The following NRXN1 variants were observed in gnomAD, a reference collection of about 807,000 sequenced individuals.
The protein encoded by NRXN1 is neurexin 1.
In NRXN1, 39 loss-of-function variants were observed where a neutral mutation model predicts 150.9. The ratio of observed to expected loss-of-function variants is 0.26; its 90% CI spans 0.20 to 0.34. The LOEUF is 0.34. Among genes scored for constraint, NRXN1 ranks in the 10% least tolerant of loss-of-function variants. The probability of loss-of-function intolerance (pLI) is 1.00; values close to 1 mark genes in which losing one functional copy is unlikely to be tolerated. For synonymous variants in NRXN1, 924 were observed against 757.0 expected, an observed-to-expected ratio of 1.22 and a Z score of -3.62; for missense variants, 1,815 against 1,949.9, an observed-to-expected ratio of 0.93 and a Z score of 1.30.
At chr2:50,237,080 T>C (rs754570816) in intron 17 of NRXN1, 110 bp from the exon 18 acceptor site, 23 of 1,065,054 alleles carry the variant, frequency 2.2e-5, no homozygotes, top group Non-Finnish European at 2.9e-5. Context: ...CACAAAACTA[T>C]GGCAAAGTAA....
At chr2:49,933,167 A>T (rs1038562618) in intron 22 of NRXN1, among the ~76,000 whole-genome samples, 1 of 152,002 alleles carries the variant, frequency 6.6e-6, no homozygotes, top group Non-Finnish European at 1.5e-5. Context: ...GCTCACTGCA[A>T]GCTCTGCCTC....
intron 2 of NRXN1, among the ~76,000 whole-genome samples, chr2:51,014,489 TAA>T (rs899392182): frequency 1.3e-5 from 2 of 152,038 alleles, no homozygotes; most frequent in African/African-American, 4.8e-5. Context: ...GAAAAGTTAT[TAA>T]ACAGTTAAAT....
chr2:49,965,340 C>G (rs1364269845), intron 21 of NRXN1, among the ~76,000 whole-genome samples: 1 of 152,112 alleles, frequency 6.6e-6, no homozygotes, highest in Non-Finnish European at 1.5e-5. Context: ...CATCTCGGCT[C>G]ACTGCAACCT....
intron 18 of NRXN1, among the ~76,000 whole-genome samples, chr2:50,166,974 C>T (rs1188328857): frequency 6.6e-6 from 1 of 152,006 alleles, no homozygotes; most frequent in Non-Finnish European, 1.5e-5. Flanking sequence ...TATAATTTGG[C>T]CAAAAACTTC....
intron 5 of NRXN1, among the ~76,000 whole-genome samples, chr2:50,631,655 T>C (rs1460878382): frequency 6.6e-6 from 1 of 152,000 alleles, no homozygotes; most frequent in Non-Finnish European, 1.5e-5. Context: ...TCTAGTACGA[T>C]AATTTTCCAA....
chr2:50,540,975 C>A (rs967873604), intron 9 of NRXN1, among the ~76,000 whole-genome samples: 17 of 151,978 alleles, frequency 1.1e-4, no homozygotes, highest in African/African-American at 3.9e-4. Flanking sequence ...GTGACATGTT[C>A]TTAAATAAAA....
At chr2:50,030,596 C>T (rs1004704027) in intron 21 of NRXN1, among the ~76,000 whole-genome samples, 1 of 152,136 alleles carries the variant, frequency 6.6e-6, no homozygotes, top group East Asian at 1.9e-4. Context: ...TTTCTCTCCC[C>T]TATTGCAATA....
At chr2:50,619,382 C>G (rs564322355) in intron 8 of NRXN1, 1 of 152,130 alleles carries the variant, frequency 6.6e-6, no homozygotes, top group East Asian at 1.9e-4. Flanking sequence ...CAAAACCCAA[C>G]AAATTCCAAT....
rs572706801 is a variant in NRXN1, at chr2:50,591,647, T to G, written c.1320+28375A>C. ...GTTCTCTTCTCTGCTATTGTGATTC[T>G]GTCCGGTTTCAGTGGCTCTTCCCAA... On this transcript the variant is annotated intron_variant, in intron 8 of 22. Coordinates refer to ENST00000401669, the MANE Select transcript of NRXN1 (RefSeq NM_001330078.2). 6.6e-5 allele frequency among the ~76,000 whole-genome samples: 10 copies of G among 152,316 alleles called. 1 individual carries two copies. Among genetic ancestry groups the G allele is most frequent in the South Asian group, 6.2e-4 (3 of 4,818 alleles).
chr2:50,354,464 C>T (rs761763170), intron 17 of NRXN1, among the ~76,000 whole-genome samples: 5 of 149,044 alleles, frequency 3.4e-5, no homozygotes, highest in Admixed American at 6.8e-5. Flanking sequence ...TTAAATGAGT[C>T]GACAAATTTA....
intron 5 of NRXN1, among the ~76,000 whole-genome samples, chr2:50,733,842 T>A (rs575564695): frequency 6.6e-6 from 1 of 152,202 alleles, no homozygotes; most frequent in Non-Finnish European, 1.5e-5. Context: ...GATTATAGTT[T>A]TAATCTGTAC....
intron 5 of NRXN1, among the ~76,000 whole-genome samples, chr2:50,636,539 T>C (rs1009766326): frequency 2.0e-5 from 3 of 152,294 alleles, no homozygotes; most frequent in South Asian, 2.1e-4. Flanking sequence ...CCAAACTCAA[T>C]TGCTCTCCTG....
At chr2:50,137,751 A>G (rs1574111522) in intron 18 of NRXN1, among the ~76,000 whole-genome samples, 1 of 152,332 alleles carries the variant, frequency 6.6e-6, no homozygotes, top group South Asian at 2.1e-4. Context: ...GATTGGAAGT[A>G]AAAGATATGG....
At chr2:51,013,547 G>A (rs903743518) in intron 2 of NRXN1, among the ~76,000 whole-genome samples, 3 of 151,390 alleles carry the variant, frequency 2.0e-5, no homozygotes, top group East Asian at 3.9e-4. Context: ...AGATTTGCAC[G>A]TTAAAAGGCT....
chr2:50,493,783 T>C (rs2091400747), intron 15 of NRXN1, among the ~76,000 whole-genome samples: 1 of 152,240 alleles, frequency 6.6e-6, no homozygotes, highest in East Asian at 1.9e-4. Context: ...GAAGGTATTA[T>C]TCTATACTAA....
chr2:50,460,289 T>C (rs1402490151), intron 17 of NRXN1, among the ~76,000 whole-genome samples: 1 of 152,018 alleles, frequency 6.6e-6, no homozygotes, highest in Non-Finnish European at 1.5e-5. Context: ...AGCAGGAAAA[T>C]CCATAGGTGA....
chr2:50,990,452 G>A (rs979935211), intron 2 of NRXN1, among the ~76,000 whole-genome samples: 8 of 151,986 alleles, frequency 5.3e-5, no homozygotes, highest in African/African-American at 1.9e-4. Context: ...AGAAGACTAT[G>A]CATAGTTAAC....
intron 17 of NRXN1, among the ~76,000 whole-genome samples, chr2:50,386,800 T>A (rs753464415): frequency 2.0e-5 from 3 of 152,176 alleles, no homozygotes; most frequent in Admixed American, 6.6e-5. Context: ...ACTGAATTGG[T>A]GGCCTTGAGC....
intron 8 of NRXN1, among the ~76,000 whole-genome samples, chr2:50,615,158 T>C (rs1197034091): frequency 6.6e-6 from 1 of 152,216 alleles, no homozygotes; most frequent in Non-Finnish European, 1.5e-5. Flanking sequence ...ATTAGGTTGA[T>C]GAAATTTTCA....
Sources: gnomAD v4.1 joint callset for allele counts (sites outside exome capture counted in the v4.1 genomes callset) on GRCh38, gnomAD v4.1.1 for gene constraint, MANE v1.5 for transcripts, NCBI Gene and HGNC (gene_info 2026-07-23, HGNC 2026-07-21) for gene names.